CPVL: variants seen among roughly 807,000 people sequenced by gnomAD.
CPVL encodes probable serine carboxypeptidase CPVL.
CPVL carries 51 observed loss-of-function variants against 63.7 expected under a neutral mutation model. That is an observed-to-expected ratio of 0.80 (90% CI 0.64 to 1.01). CPVL has a LOEUF of 1.01. Among genes scored for constraint, CPVL ranks in the 50% least tolerant of loss-of-function variants. The pLI, the probability that CPVL is intolerant of heterozygous loss-of-function variation, is 0.00. For missense variants in CPVL, 530 were observed against 573.1 expected, an observed-to-expected ratio of 0.92 and a Z score of 0.77; for synonymous variants, 195 against 206.0, an observed-to-expected ratio of 0.95 and a Z score of 0.46.
chr7:29,031,999 C>G (rs1362302850), intron 11 of CPVL, among the ~76,000 whole-genome samples: 6 of 151,482 alleles, frequency 4.0e-5, no homozygotes, highest in Non-Finnish European at 7.4e-5. Flanking sequence ...TCCTTTTTTT[C>G]TACTCTTACG....
intron 5 of CPVL, among the ~76,000 whole-genome samples, chr7:29,157,238 AG>A (rs1391001969): frequency 6.6e-6 from 1 of 152,200 alleles, no homozygotes; most frequent in Admixed American, 6.5e-5. Context: ...GAGGAAAAAA[AG>A]AATGAGATGC....
intron 9 of CPVL, among the ~76,000 whole-genome samples, chr7:29,069,782 G>A (rs1431380493): frequency 5.2e-4 from 15 of 28,804 alleles, no homozygotes; most frequent in Non-Finnish European, 1.1e-4. Flanking sequence ...GTGTGTGTGT[G>A]TGTGTGTGTG....
Position 29,092,616 on chromosome 7 carries a change from A to T in CPVL, c.542+7T>A, listed in dbSNP as rs931664777. On this transcript the variant is annotated splice_region_variant and intron_variant, in intron 6 of 12. Transcript: ENST00000265394. ...AGGAAAGCCAAGAGAAAGCAGGAGC[A>T]TTTTACCTGTATAAATCCCGTGCTA... 2 of 1,604,620 alleles carry T rather than the reference A, an allele frequency of 1.2e-6. No individual in the cohort carries two copies. The highest frequency in any genetic ancestry group is 1.7e-6 in the Non-Finnish European group (2 of 1,171,338).
intron 2 of CPVL, among the ~76,000 whole-genome samples, chr7:29,115,480 C>T (rs1246565732): frequency 2.0e-5 from 3 of 152,144 alleles, no homozygotes; most frequent in Non-Finnish European, 2.9e-5. Context: ...CCACTCTTCC[C>T]GCCATCTGTC....
At chr7:29,020,040 C>T (rs1451832306) in intron 12 of CPVL, among the ~76,000 whole-genome samples, 1 of 152,182 alleles carries the variant, frequency 6.6e-6, no homozygotes, top group Non-Finnish European at 1.5e-5. Context: ...ATATTTGCCA[C>T]CAGTTTCTGA....
chr7:29,149,962 A>G (rs937816360), upstream of CPVL, among the ~76,000 whole-genome samples: 5 of 152,222 alleles, frequency 3.3e-5, no homozygotes, highest in Admixed American at 1.3e-4. Flanking sequence ...AAATAAGGCC[A>G]CTTCACTGCT....
intron 11 of CPVL, among the ~76,000 whole-genome samples, chr7:29,057,532 T>A (rs317705): frequency 6.6e-6 from 1 of 152,078 alleles, no homozygotes; most frequent in East Asian, 1.9e-4. Flanking sequence ...ATTTCTTTCA[T>A]GGATTGTTCC....
At chr7:29,044,470 T>A (rs534666790) in intron 11 of CPVL, among the ~76,000 whole-genome samples, 1 of 152,270 alleles carries the variant, frequency 6.6e-6, no homozygotes, top group East Asian at 1.9e-4. Context: ...CCTTTTGTTT[T>A]AAATTAAAAA....
chr7:29,169,995 G>T (rs1796403035), intron 5 of CPVL, among the ~76,000 whole-genome samples: 1 of 151,894 alleles, frequency 6.6e-6, no homozygotes. Flanking sequence ...TCCTGCCTCT[G>T]CCTCCTAAAG....
At chr7:29,094,325 A>C (rs1482601014) in intron 5 of CPVL, among the ~76,000 whole-genome samples, 2 of 152,034 alleles carry the variant, frequency 1.3e-5, no homozygotes. Flanking sequence ...TGGGTGACAG[A>C]GTGAGATTCA....
At chr7:29,112,048 A>C (rs1489976831) in intron 3 of CPVL, among the ~76,000 whole-genome samples, 1 of 152,232 alleles carries the variant, frequency 6.6e-6, no homozygotes, top group Non-Finnish European at 1.5e-5. Context: ...TGAACTACAT[A>C]GGATTGGTGA....
chr7:29,034,237 TG>T (rs1339761903), intron 11 of CPVL, among the ~76,000 whole-genome samples: 2 of 152,140 alleles, frequency 1.3e-5, no homozygotes, highest in Non-Finnish European at 2.9e-5. Flanking sequence ...CCCGAGTAGC[TG>T]GGACTACAGG....
Position 29,068,181 on chromosome 7 carries a change from G to T in CPVL, c.865-2060C>A, listed in dbSNP as rs531370372. Reference sequence around the variant, plus strand: ...CACCACGCCCAGCTAATTTTTTTTTGTGTGTGTGTATTTTTAATAGAGACG... The same window carrying T: ...CACCACGCCCAGCTAATTTTTTTTTTTGTGTGTGTATTTTTAATAGAGACG... On this transcript the variant is annotated intron_variant, in intron 9 of 12. Coordinates refer to ENST00000265394, the MANE Select transcript of CPVL (RefSeq NM_031311.5). Among the ~76,000 whole-genome samples, 786 of 151,124 alleles carry T rather than the reference G, an allele frequency of 5.2e-3. 1 individual carries two copies. Among genetic ancestry groups the T allele is most frequent in the Non-Finnish European group, 6.0e-3 (405 of 67,702 alleles).
At chr7:29,067,166 T>C (rs564681479) in intron 9 of CPVL, among the ~76,000 whole-genome samples, 24 of 152,164 alleles carry the variant, frequency 1.6e-4, no homozygotes, top group African/African-American at 5.5e-4. Flanking sequence ...TTTTAGGGTA[T>C]GAGAATCAGC....
intron 9 of CPVL, among the ~76,000 whole-genome samples, chr7:29,070,671 G>A (rs1039828686): frequency 2.0e-5 from 3 of 152,186 alleles, no homozygotes; most frequent in Non-Finnish European, 2.9e-5. Flanking sequence ...AGAGCCTGGT[G>A]GAGCTCTGTA....
At chr7:29,150,232 C>G (rs182268908), upstream of CPVL, among the ~76,000 whole-genome samples, 1 of 152,254 alleles carries the variant, frequency 6.6e-6, no homozygotes, top group Admixed American at 6.5e-5. Context: ...TGACCATAAG[C>G]AAGTTACTTA....
chr7:29,064,626 T>A (rs1782965475), intron 10 of CPVL, among the ~76,000 whole-genome samples: 2 of 152,120 alleles, frequency 1.3e-5, no homozygotes, highest in Non-Finnish European at 2.9e-5. Flanking sequence ...GTCAAATGGA[T>A]CACAAGGGCC....
intron 1 of CPVL, among the ~76,000 whole-genome samples, chr7:29,135,672 AAG>A (rs1374870716): frequency 6.6e-6 from 1 of 151,632 alleles, no homozygotes. Context: ...AGAAATACAT[AAG>A]AGTTATTTAT....
At chr7:29,058,845 T>C (rs78045629) in intron 11 of CPVL, among the ~76,000 whole-genome samples, 1,934 of 152,218 alleles carry the variant, frequency 0.013, 50 homozygotes, top group Admixed American at 0.07. Context: ...TTTGATTTTT[T>C]TGAAGCTTCC....
Sources: allele counts gnomAD v4.1 joint callset (sites outside exome capture counted in the v4.1 genomes callset), GRCh38; gene constraint gnomAD v4.1.1; transcripts MANE v1.5; gene names NCBI Gene and HGNC (gene_info 2026-07-23, HGNC 2026-07-21).